FUBP3: variants seen among roughly 807,000 people sequenced by gnomAD.
FUBP3 encodes the protein far upstream element binding protein 3, also known as far upstream element-binding protein 3.
A neutral mutation model predicts 85.6 loss-of-function variants in FUBP3; 28 were observed. The ratio of observed to expected loss-of-function variants is 0.33; its 90% CI spans 0.24 to 0.45. The LOEUF (loss-of-function observed/expected upper bound fraction) is 0.45, where lower values mean the gene tolerates loss of function less well. FUBP3 is among the 20% of genes least tolerant of loss of function. The pLI, the probability that FUBP3 is intolerant of heterozygous loss-of-function variation, is 1.00. For missense variants in FUBP3, 583 were observed against 755.1 expected (o/e 0.77, Z 2.67); for synonymous variants, 271 against 271.4 (o/e 1.00, Z 0.01).
At chr9:130,626,259 G>A in intron 11 of FUBP3, 105 bp from the exon 12 acceptor site, 2 of 1,186,074 alleles carry the variant, frequency 1.7e-6, no homozygotes, top group Non-Finnish European at 2.4e-6. Context: ...GGTTCTGATG[G>A]GTGGCATTGA....
At chr9:130,614,762 T>A (rs1186886993) in intron 6 of FUBP3, among the ~76,000 whole-genome samples, 5 of 152,252 alleles carry the variant, frequency 3.3e-5, no homozygotes, top group Non-Finnish European at 5.9e-5. Flanking sequence ...ACCCTTCTGA[T>A]ATTTGTGAAC....
chr9:130,623,604 T>A lies in FUBP3; in HGVS notation c.875-7T>A. 1 of 1,580,996 alleles carries A rather than the reference T, an allele frequency of 6.3e-7. No individual in the cohort carries two copies. The highest frequency in any genetic ancestry group is 8.7e-7 in the Non-Finnish European group (1 of 1,150,052). ...TTTCTAATCCTGTCTCTCACCTGGC[T>A]CCTCAGATGATGGGATTAGTCCAGA... On this transcript the variant is annotated splice_polypyrimidine_tract_variant and splice_region_variant and intron_variant, in intron 10 of 18. Transcript: ENST00000319725.
intron 2 of FUBP3, among the ~76,000 whole-genome samples, chr9:130,607,536 A>G (rs2119060738): frequency 6.6e-6 from 1 of 152,210 alleles, no homozygotes; most frequent in East Asian, 1.9e-4. Flanking sequence ...TTTACAGGAA[A>G]ATGAGTGTAG....
At chr9:130,595,406 A>G (rs1830821200) in intron 1 of FUBP3, 77 bp from the exon 2 acceptor site, 1 of 807,294 alleles carries the variant, frequency 1.2e-6, no homozygotes, top group Admixed American at 1.7e-5. Context: ...ATAGCCCTTT[A>G]AAGAGGACAC....
intron 16 of FUBP3, among the ~76,000 whole-genome samples, chr9:130,634,002 C>T (rs1350724188): frequency 7.2e-5 from 11 of 152,162 alleles, no homozygotes; most frequent in South Asian, 6.2e-4. Flanking sequence ...GGTCCTGACC[C>T]GCCACTGTGG....
chr9:130,582,466 AAAAG>A (rs1018233776), intron 1 of FUBP3, among the ~76,000 whole-genome samples: 4 of 152,064 alleles, frequency 2.6e-5, no homozygotes, highest in African/African-American at 4.8e-5. Flanking sequence ...AAAAAAAAGA[AAAAG>A]AAAAAGAAAG....
At chr9:130,605,476 C>G (rs996342214) in intron 2 of FUBP3, among the ~76,000 whole-genome samples, 3 of 152,220 alleles carry the variant, frequency 2.0e-5, no homozygotes, top group African/African-American at 7.2e-5. Context: ...GGGCACAGGC[C>G]CCTCGCCTGC....
intron 1 of FUBP3, among the ~76,000 whole-genome samples, chr9:130,585,699 C>A (rs116276468): frequency 2.6e-5 from 4 of 152,214 alleles, no homozygotes; most frequent in African/African-American, 9.7e-5. Flanking sequence ...TAGATCACTT[C>A]GTGCCCTCTT....
chr9:130,592,090 G>A (rs1338706714), intron 1 of FUBP3, among the ~76,000 whole-genome samples: 1 of 152,128 alleles, frequency 6.6e-6, no homozygotes, highest in African/African-American at 2.4e-5. Context: ...AAATGAGCTA[G>A]GCATGGTGGC....
At chr9:130,603,547 A>G (rs1231932109) in intron 2 of FUBP3, among the ~76,000 whole-genome samples, 2 of 152,052 alleles carry the variant, frequency 1.3e-5, no homozygotes, top group Non-Finnish European at 2.9e-5. Flanking sequence ...GTACATACAT[A>G]TGTGTAAGTT....
chr9:130,612,251 G>T lies in FUBP3; in HGVS notation c.225-205G>T, dbSNP rs370274266. ...CTTCCTCTGACAAAAGGAGATGAAA[G>T]GCTTAGATCTTTGGAAGGAGTGATT... On this transcript the variant is annotated intron_variant, in intron 3 of 18. Transcript: ENST00000319725. This position sits in a 1 kb window ranked among gnomAD's most constrained non-coding sequence, Gnocchi z 4.1. Among the ~76,000 whole-genome samples, 2 of 152,312 alleles carry T rather than the reference G, an allele frequency of 1.3e-5. No homozygotes were observed. The highest frequency in any genetic ancestry group is 4.8e-5 in the African/African-American group (2 of 41,560).
At chr9:130,634,486 T>G in intron 16 of FUBP3, 181 bp from the exon 17 acceptor site, 1 of 588,684 alleles carries the variant, frequency 1.7e-6, no homozygotes, top group Non-Finnish European at 3.0e-6. Context: ...CTTACAGTGA[T>G]CTTAGTTACA....
chr9:130,591,243 G>T (rs1830611978), intron 1 of FUBP3, among the ~76,000 whole-genome samples: 1 of 152,120 alleles, frequency 6.6e-6, no homozygotes, highest in Admixed American at 6.5e-5. Flanking sequence ...AGGAGTTTGA[G>T]ACCAGCCTGG....
At chr9:130,628,837 A>T (rs1262349089) in intron 12 of FUBP3, among the ~76,000 whole-genome samples, 3 of 151,860 alleles carry the variant, frequency 2.0e-5, no homozygotes, top group African/African-American at 7.3e-5. Context: ...TGGCGTGATC[A>T]TGGCTCACTG....
At position 130,579,648 on chromosome 9, in the gene FUBP3, TCGGCGGCGGCGGCGA is replaced by T. The variant is rs897392229; in HGVS notation, c.-23_-9del. On this transcript the variant is annotated 5_prime_UTR_variant, in exon 1 of 19. Transcript: ENST00000319725. ...GAGCCGAGCGGCGGCGTCGGCGGCG[TCGGCGGCGGCGGCGA>T]CGGCGGCGGGGGCGGTAATGGCGGA... 8.4e-5 allele frequency: 102 copies of T among 1,210,046 alleles called. No individual in the cohort carries two copies. Among genetic ancestry groups the T allele is most frequent in the Non-Finnish European group, 9.9e-5 (96 of 965,594 alleles). 75.0% of individuals were successfully genotyped at this position (1,210,046 alleles called of 1,614,324 possible). A position where few individuals can be genotyped will look rare whatever the true frequency, so the allele number is the denominator to read the frequency against.
chr9:130,600,771 G>A (rs1267596128), intron 2 of FUBP3, among the ~76,000 whole-genome samples: 1 of 151,974 alleles, frequency 6.6e-6, no homozygotes, highest in Non-Finnish European at 1.5e-5. Context: ...CCAGGAGTTT[G>A]AGACCAGCCT....
chr9:130,629,892 G>T (rs1830141766), intron 12 of FUBP3, among the ~76,000 whole-genome samples: 1 of 152,240 alleles, frequency 6.6e-6, no homozygotes, highest in African/African-American at 2.4e-5. Context: ...AATTTCAGAA[G>T]AAGAATCCAA....
intron 1 of FUBP3, among the ~76,000 whole-genome samples, chr9:130,592,095 G>A (rs1830650483): frequency 6.6e-6 from 1 of 152,170 alleles, no homozygotes; most frequent in Non-Finnish European, 1.5e-5. Flanking sequence ...AGCTAGGCAT[G>A]GTGGCACATA....
At chr9:130,632,122 A>C in intron 15 of FUBP3, 80 bp from the exon 16 acceptor site, 1 of 1,451,826 alleles carries the variant, frequency 6.9e-7, no homozygotes, top group Non-Finnish European at 9.7e-7. Flanking sequence ...GGCTGGGGTG[A>C]GGGAGGTGAG....
Sources: gnomAD v4.1 joint callset for allele counts (sites outside exome capture counted in the v4.1 genomes callset) on GRCh38, gnomAD v4.1.1 for gene constraint, Gnocchi (gnomAD v3.1) non-coding constraint, MANE v1.5 for transcripts, NCBI Gene and HGNC (gene_info 2026-07-23, HGNC 2026-07-21) for gene names.